Variants in DOP1A observed in about 807,000 individuals in gnomAD.
DOP1A encodes protein DOP1A.
DOP1A carries 90 observed loss-of-function variants against 267.6 expected under a neutral mutation model. The observed-to-expected ratio is 0.34, with a 90% CI of 0.28 to 0.40. The LOEUF (loss-of-function observed/expected upper bound fraction) is 0.40. DOP1A is among the 10% of genes least tolerant of loss of function. DOP1A has a pLI of 1.00. For synonymous variants in DOP1A, 932 were observed against 999.1 expected, an observed-to-expected ratio of 0.93 and a Z score of 1.27; for missense variants, 2,437 against 2,900.4, an observed-to-expected ratio of 0.84 and a Z score of 3.67.
rs1407218686 is a variant in DOP1A, at chr6:83,113,557, T to A, written c.780+136T>A. The A allele has an allele frequency of 4.8e-6, 3 of 622,248 alleles. No homozygotes were observed. In the African/African-American group the frequency reaches 5.5e-5, roughly 11 times the overall value. 38.5% of individuals were successfully genotyped at this position (622,248 alleles called of 1,614,324 possible). A position where few individuals can be genotyped will look rare whatever the true frequency, so the allele number is the denominator to read the frequency against. ...GTAAGCGCATGGAAAATAAGTTCCT[T>A]CTTAAGGAGTGGAATTTGTTGTGAA... On this transcript the variant is annotated intron_variant, in intron 7 of 38. Transcript: ENST00000349129.
intron 1 of DOP1A, among the ~76,000 whole-genome samples, chr6:83,093,799 G>C (rs1435937636): frequency 1.3e-5 from 2 of 152,108 alleles, no homozygotes; most frequent in East Asian, 1.9e-4. Flanking sequence ...CCAGCTGCTC[G>C]GGAGGCTGAA....
chr6:83,094,728 T>C (rs1771129833), intron 1 of DOP1A, among the ~76,000 whole-genome samples: 1 of 152,188 alleles, frequency 6.6e-6, no homozygotes, highest in African/African-American at 2.4e-5. Context: ...TTGGAATTAT[T>C]TGTCTTTTTA....
intron 1 of DOP1A, among the ~76,000 whole-genome samples, chr6:83,080,149 C>G (rs1162332583): frequency 6.6e-6 from 1 of 151,988 alleles, no homozygotes; most frequent in African/African-American, 2.4e-5. Context: ...TTTCATTTCC[C>G]CCTACCCAAT....
At chr6:83,135,499 G>A in intron 19 of DOP1A, 120 bp from the exon 20 acceptor site, 1 of 1,090,888 alleles carries the variant, frequency 9.2e-7, no homozygotes, top group Non-Finnish European at 1.3e-6. Flanking sequence ...AATTTATCCT[G>A]AAGTATGACT....
chr6:83,162,354 T>C (rs1388592256), intron 37 of DOP1A, among the ~76,000 whole-genome samples: 1 of 152,162 alleles, frequency 6.6e-6, no homozygotes, highest in East Asian at 1.9e-4. Context: ...ACTCCTTTAC[T>C]ATGCAACTAG....
chr6:83,150,763 G>A (rs1161991670), intron 27 of DOP1A, among the ~76,000 whole-genome samples: 1 of 152,030 alleles, frequency 6.6e-6, no homozygotes, highest in Non-Finnish European at 1.5e-5. Flanking sequence ...ATGTGTTATG[G>A]GAAGAAATCA....
chr6:83,138,252 T>G lies in DOP1A; in HGVS notation c.4210T>G (p.Ser1404Ala), dbSNP rs1469457279. The G allele has an allele frequency of 6.2e-7, 1 of 1,613,254 alleles. No individual in the cohort carries two copies. The highest frequency in any genetic ancestry group is 2.2e-5 in the East Asian group (1 of 44,884). Residue 1404 changes from serine (S) to alanine (A), a missense_variant, in exon 21 of 39, where the codon TCA becomes GCA. Physicochemically the swap from Ser to Ala is moderately conservative, Grantham distance 99 (BLOSUM62 1). Coordinates refer to ENST00000349129, the MANE Select transcript of DOP1A (RefSeq NM_015018.4). ...CCCTATAGCTTTTGTAAATGCCATT[T>G]CAACTACTAGTGTAAATAATGCATA... The part of the protein sequence containing the change: ...TNPIAFVNAI[S>A]TTSVNNAYTP...
chr6:83,141,453 G>A (rs1464764089), intron 23 of DOP1A, among the ~76,000 whole-genome samples: 1 of 152,150 alleles, frequency 6.6e-6, no homozygotes, highest in Non-Finnish European at 1.5e-5. Flanking sequence ...CCTGGATCAG[G>A]GATCCAAGGG....
intron 6 of DOP1A, among the ~76,000 whole-genome samples, chr6:83,110,978 C>A (rs887700156): frequency 6.6e-6 from 1 of 152,138 alleles, no homozygotes; most frequent in Admixed American, 6.5e-5. Context: ...AGAATATTTA[C>A]ATCACCCTAA....
intron 1 of DOP1A, among the ~76,000 whole-genome samples, chr6:83,088,462 C>CG (rs1769722652): frequency 7.8e-6 from 1 of 127,970 alleles, no homozygotes; most frequent in South Asian, 2.6e-4. Context: ...CTCACTCTGT[C>CG]CCCAGGCTGG....
Position 83,145,018 on chromosome 6 carries a change from G to A in DOP1A, c.5542-506G>A, listed in dbSNP as rs962518287. ...CTCAGGAGGCTGAAGCAAGAGGATCGCTTAAACCTATGAGGTTGAGGCTGC... is the reference window on the plus strand; with the variant it reads ...CTCAGGAGGCTGAAGCAAGAGGATCACTTAAACCTATGAGGTTGAGGCTGC... On this transcript the variant is annotated intron_variant, in intron 24 of 38. Transcript: ENST00000349129. Among the ~76,000 whole-genome samples, 9 of 144,742 alleles carry A rather than the reference G, an allele frequency of 6.2e-5. No individual in the cohort carries two copies. In the South Asian group the frequency reaches 6.5e-4, roughly 11 times the overall value. 95.0% of individuals were successfully genotyped at this position (144,742 alleles called of 152,430 possible).
At position 83,129,331 on chromosome 6, in the gene DOP1A, G is replaced by A. The variant is rs776042255; in HGVS notation, c.2164G>A (p.Asp722Asn). ...GREQGETSKW[D>N]RNSQGDVKEK... Reference sequence around the variant, plus strand: ...AGAACAAGGAGAGACTTCAAAATGGGACAGAAATTCACAAGGAGATGTAAA... The same window carrying A: ...AGAACAAGGAGAGACTTCAAAATGGAACAGAAATTCACAAGGAGATGTAAA... Residue 722 changes from aspartate to asparagine, a missense_variant, in exon 16 of 39, where the codon GAC (aspartate) becomes AAC (asparagine). By Grantham distance (23) the Asp-to-Asn change is conservative. This residue lies in a region of DOP1A where 498 missense variants were observed against 513.5 expected (regional missense o/e 0.97). Coordinates refer to ENST00000349129, the MANE Select transcript of DOP1A (RefSeq NM_015018.4). 2 of 1,605,608 alleles carry A rather than the reference G, an allele frequency of 1.2e-6. No individual in the cohort carries two copies. The highest frequency in any genetic ancestry group is 3.4e-5 in the Admixed American group (2 of 58,094).
chr6:83,155,013 G>A (rs954925179), intron 33 of DOP1A, among the ~76,000 whole-genome samples: 8 of 152,064 alleles, frequency 5.3e-5, no homozygotes, highest in African/African-American at 1.7e-4. Flanking sequence ...CACGCATTGC[G>A]CTAACCTTAA....
rs766147047 is a variant in DOP1A, at chr6:83,153,562, G to C, written c.6181G>C (p.Val2061Leu). Reference protein sequence around the residue: ...MVFYSDEKERVIPLLVNIMHY... With the variant: ...MVFYSDEKERLIPLLVNIMHY... ...TTTCTATAGTGATGAAAAGGAGCGG[G>C]TTATTCCTTTACTTGTAAATATTAT... is the stretch of plus-strand genomic sequence containing the variant. The change falls in exon 31 of 39, where the codon GTT (valine) becomes CTT (leucine). Residue 2061 changes from valine to leucine, a missense_variant. Around this residue, in one of 9 missense-constraint regions of DOP1A, gnomAD observed 216 missense variants for 283.3 expected, o/e 0.76. Transcript: ENST00000349129. The C allele has an allele frequency of 1.3e-5, 21 of 1,609,936 alleles. No homozygotes were observed. Among genetic ancestry groups the C allele is most frequent in the Non-Finnish European group, 1.6e-5 (19 of 1,178,392 alleles).
chr6:83,137,531 C>T lies in DOP1A; in HGVS notation c.3489C>T (p.Gly1163=), dbSNP rs138111941. ...ACCTGATATGTAAAGTTGTAAGTGG[C>T]CTCGAAGTGGAATCTGCATCAGTTA... ...VFDLICKVVS[G]LEVESASVTS... Residue 1163 remains glycine (G), a synonymous_variant, in exon 21 of 39, where the codon GGC becomes GGT. Transcript: ENST00000349129. 3.1e-6 allele frequency: 5 copies of T among 1,613,628 alleles called. No individual in the cohort carries two copies. The Admixed American group carries it at 5.0e-5, about 16-fold the overall frequency.
intron 1 of DOP1A, among the ~76,000 whole-genome samples, chr6:83,080,347 A>T (rs1283359059): frequency 6.6e-6 from 1 of 152,228 alleles, no homozygotes; most frequent in Non-Finnish European, 1.5e-5. Context: ...CTAAACCAGA[A>T]TATTAAACTA....
Position 83,104,414 on chromosome 6 carries a change from A to T in DOP1A, c.320+3528A>T, listed in dbSNP as rs573368992. ...GTTCAATCAACCCTTCATTTCTGGAATATATCCAGTTGGCTCATGATTTAG... is the reference window on the plus strand; with the variant it reads ...GTTCAATCAACCCTTCATTTCTGGATTATATCCAGTTGGCTCATGATTTAG... On this transcript the variant is annotated intron_variant, in intron 4 of 38. Transcript: ENST00000349129. Among the ~76,000 whole-genome samples the T allele has an allele frequency of 8.5e-5, 13 of 152,268 alleles. No individual in the cohort carries two copies. In the East Asian group the frequency reaches 2.3e-3, roughly 27 times the overall value.
chr6:83,109,024 G>A lies in DOP1A; in HGVS notation c.435G>A (p.Gln145=). ...GTAAAACACTGAAACCTGGTCTACAGGGATTGCTTACTGGTATTCTTCCTG... is the reference window on the plus strand; with the variant it reads ...GTAAAACACTGAAACCTGGTCTACAAGGATTGCTTACTGGTATTCTTCCTG... ...PLGKTLKPGL[Q]GLLTGILPGL... is the part of the protein sequence containing the mutation. Residue 145 remains glutamine, a synonymous_variant, in exon 5 of 39, where the codon CAG becomes CAA. Transcript: ENST00000349129. 2 of 1,613,646 alleles carry A rather than the reference G, an allele frequency of 1.2e-6. No homozygotes were observed. Among genetic ancestry groups the A allele is most frequent in the Non-Finnish European group, 8.5e-7 (1 of 1,179,854 alleles).
At chr6:83,144,489 C>T (rs910139617) in intron 24 of DOP1A, among the ~76,000 whole-genome samples, 1 of 152,010 alleles carries the variant, frequency 6.6e-6, no homozygotes, top group African/African-American at 2.4e-5. Context: ...ATGAAGCAAA[C>T]AAAGCAGTTT....
Sources: allele counts gnomAD v4.1 joint callset (sites outside exome capture counted in the v4.1 genomes callset), GRCh38; gene constraint gnomAD v4.1.1; regional missense constraint gnomAD v4.1.1; transcripts MANE v1.5; gene names NCBI Gene and HGNC (gene_info 2026-07-23, HGNC 2026-07-21).